Variants in RAMP1 observed in about 807,000 individuals in gnomAD.
RAMP1 encodes receptor activity-modifying protein 1.
In RAMP1, 7 loss-of-function variants were observed where a neutral mutation model predicts 8.2. The ratio of observed to expected loss-of-function variants is 0.85; its 90% CI spans 0.49 to 1.60. The LOEUF is 1.60. RAMP1 is among the 40% of genes most tolerant of loss of function. The pLI is 0.00. For synonymous variants in RAMP1, 92 were observed against 84.7 expected, an observed-to-expected ratio of 1.09 and a Z score of -0.47; for missense variants, 192 against 202.4, an observed-to-expected ratio of 0.95 and a Z score of 0.31.
intron 2 of RAMP1, among the ~76,000 whole-genome samples, chr2:237,903,947 C>T (rs2062630581): frequency 1.3e-5 from 2 of 152,198 alleles, no homozygotes; most frequent in Non-Finnish European, 2.9e-5. Flanking sequence ...CTATGTTTCC[C>T]AGGCTGCTCT....
chr2:237,874,013 A>G (rs893979016), intron 1 of RAMP1, among the ~76,000 whole-genome samples: 6 of 152,148 alleles, frequency 3.9e-5, no homozygotes, highest in African/African-American at 1.4e-4. Context: ...TGGGCTGGGT[A>G]TGGCAGTCCC....
chr2:237,869,020 A>G (rs1331838136), intron 1 of RAMP1, among the ~76,000 whole-genome samples: 1 of 151,984 alleles, frequency 6.6e-6, no homozygotes, highest in African/African-American at 2.4e-5. Context: ...TGGCGTTTTT[A>G]TGTATCCATC....
chr2:237,906,643 T>C (rs1169420653), intron 2 of RAMP1, among the ~76,000 whole-genome samples: 1 of 152,060 alleles, frequency 6.6e-6, no homozygotes, highest in Non-Finnish European at 1.5e-5. Flanking sequence ...TTCTTTGACA[T>C]TTCTTGTAGC....
Position 237,877,343 on chromosome 2 carries a change from G to T in RAMP1, c.172G>T (p.Asp58Tyr). The T allele has an allele frequency of 6.2e-7, 1 of 1,613,416 alleles. No homozygotes were observed. Among genetic ancestry groups the T allele is most frequent in the Middle Eastern group, 1.7e-4 (1 of 6,058 alleles). Residue 58 changes from aspartate to tyrosine, a missense_variant, in exon 2 of 3, where the codon GAC (aspartate) becomes TAC (tyrosine). Asp to Tyr is a radical substitution (Grantham distance 160). Transcript: ENST00000254661. This position sits in a 1 kb window ranked among gnomAD's most constrained non-coding sequence, Gnocchi z 4.4. ...MEAVGETLWC[D>Y]WGRTIRSYRE... is the part of the protein sequence containing the mutation. ...GGCCGTCGGGGAGACGCTGTGGTGT[G>T]ACTGGGGCAGGACCATCAGGTGAGT...
chr2:237,890,544 T>G (rs538940976), intron 2 of RAMP1, among the ~76,000 whole-genome samples: 1 of 152,324 alleles, frequency 6.6e-6, no homozygotes, highest in East Asian at 1.9e-4. Flanking sequence ...TCTTAGAAGT[T>G]TGAATGAATT....
At chr2:237,864,142 G>C (rs986371449) in intron 1 of RAMP1, among the ~76,000 whole-genome samples, 2 of 148,504 alleles carry the variant, frequency 1.3e-5, no homozygotes, top group African/African-American at 5.2e-5. Flanking sequence ...GGGAGGCAGA[G>C]TGACCTGGCC....
In RAMP1 at chr2:237,862,313, C is replaced by T. The variant is rs2151000891; in HGVS notation, c.52+2586C>T. On this transcript the variant is annotated intron_variant, in intron 1 of 2. Coordinates refer to ENST00000254661, the MANE Select transcript of RAMP1 (RefSeq NM_005855.4). This position sits in a 1 kb window ranked among gnomAD's most constrained non-coding sequence, Gnocchi z 4.0. ...AAGGATTCTTATTTGTTAATCAACTCAGTGTGTTTGTTTACCCTCTCTGTG... is the reference window on the plus strand; with the variant it reads ...AAGGATTCTTATTTGTTAATCAACTTAGTGTGTTTGTTTACCCTCTCTGTG... Among the ~76,000 whole-genome samples the T allele has an allele frequency of 6.6e-6, 1 of 152,322 alleles. No individual in the cohort carries two copies. The highest frequency in any genetic ancestry group is 2.1e-4 in the South Asian group (1 of 4,830).
At chr2:237,893,907 T>A in intron 2 of RAMP1, among the ~76,000 whole-genome samples, 1 of 149,492 alleles carries the variant, frequency 6.7e-6, no homozygotes, top group Non-Finnish European at 1.5e-5. Flanking sequence ...GCCACTGCAC[T>A]CCAGCCTGGG....
At chr2:237,884,824 T>C (rs1454244603) in intron 2 of RAMP1, among the ~76,000 whole-genome samples, 1 of 152,330 alleles carries the variant, frequency 6.6e-6, no homozygotes, top group Middle Eastern at 3.4e-3. Flanking sequence ...AGGCTGTCAC[T>C]GCGGACCCTG....
chr2:237,869,198 A>G (rs1293248387), intron 1 of RAMP1, among the ~76,000 whole-genome samples: 2 of 152,080 alleles, frequency 1.3e-5, no homozygotes, highest in Admixed American at 1.3e-4. Flanking sequence ...GGAATTCCAT[A>G]TGTGACCCTG....
chr2:237,879,090 A>G (rs2062339148), intron 2 of RAMP1, among the ~76,000 whole-genome samples: 1 of 152,240 alleles, frequency 6.6e-6, no homozygotes, highest in African/African-American at 2.4e-5. Flanking sequence ...AAATCAGAAC[A>G]GCCTGTTCTT....
intron 2 of RAMP1, among the ~76,000 whole-genome samples, chr2:237,901,583 A>G (rs2062596497): frequency 6.6e-6 from 1 of 152,204 alleles, no homozygotes; most frequent in African/African-American, 2.4e-5. Context: ...TGTGGCTAGA[A>G]TGTGGCCAGC....
intron 2 of RAMP1, among the ~76,000 whole-genome samples, chr2:237,883,798 T>C (rs1576544583): frequency 8.7e-6 from 1 of 115,262 alleles, no homozygotes; most frequent in African/African-American, 3.5e-5. Context: ...GCCTGGGTGA[T>C]AGAACCAGAC....
intron 2 of RAMP1, among the ~76,000 whole-genome samples, chr2:237,892,279 T>TCTTTC (rs200763736): frequency 7.1e-6 from 1 of 140,854 alleles, no homozygotes; most frequent in African/African-American, 2.6e-5. Flanking sequence ...TTTCTTTCTT[T>TCTTTC]TTTTTTTTTT....
chr2:237,859,798 G>A lies in RAMP1; in HGVS notation c.52+71G>A, dbSNP rs2062114585. On this transcript the variant is annotated intron_variant, in intron 1 of 2. Coordinates refer to ENST00000254661, the MANE Select transcript of RAMP1 (RefSeq NM_005855.4). ...GCCGGTGTCCTCTAGGGGAGAGGAG[G>A]GGAGCGGGTGGGAGCGGGTGGGAGC... 6.0e-6 allele frequency: 6 copies of A among 993,806 alleles called. No individual in the cohort carries two copies. In the East Asian group the frequency reaches 3.2e-4, roughly 53 times the overall value. 61.6% of individuals were successfully genotyped at this position (993,806 alleles called of 1,614,324 possible). A position where few individuals can be genotyped will look rare whatever the true frequency, so the allele number is the denominator to read the frequency against.
At chr2:237,891,049 T>G (rs1457325096) in intron 2 of RAMP1, among the ~76,000 whole-genome samples, 1 of 152,324 alleles carries the variant, frequency 6.6e-6, no homozygotes, top group South Asian at 2.1e-4. Context: ...TCACTTTTCT[T>G]GAAAATAATA....
At chr2:237,884,577 AC>A (rs1206120761) in intron 2 of RAMP1, among the ~76,000 whole-genome samples, 6 of 152,034 alleles carry the variant, frequency 3.9e-5, no homozygotes, top group African/African-American at 1.2e-4. Context: ...CGCCTATTCC[AC>A]CCCACCCTGT....
chr2:237,866,420 G>A (rs1478874881), intron 1 of RAMP1, among the ~76,000 whole-genome samples: 1 of 152,072 alleles, frequency 6.6e-6, no homozygotes, highest in Admixed American at 6.5e-5. Context: ...GTAACCTAGG[G>A]TGGTCCTACC....
At chr2:237,863,915 C>T (rs887534236) in intron 1 of RAMP1, among the ~76,000 whole-genome samples, 1 of 152,048 alleles carries the variant, frequency 6.6e-6, no homozygotes, top group African/African-American at 2.4e-5. Flanking sequence ...AGGGTCAGCA[C>T]CACCTCCACC....
Sources: allele counts gnomAD v4.1 joint callset (sites outside exome capture counted in the v4.1 genomes callset), GRCh38; gene constraint gnomAD v4.1.1; non-coding constraint Gnocchi (gnomAD v3.1); transcripts MANE v1.5; gene names NCBI Gene and HGNC (gene_info 2026-07-23, HGNC 2026-07-21).